PKNOX2: variants seen among roughly 807,000 people sequenced by gnomAD.
PKNOX2 encodes the protein PBX/knotted 1 homeobox 2, also known as homeobox protein PKNOX2.
In PKNOX2, 14 loss-of-function variants were observed where a neutral mutation model predicts 53.1. The ratio of observed to expected loss-of-function variants is 0.26; its 90% confidence interval spans 0.17 to 0.41. The LOEUF (loss-of-function observed/expected upper bound fraction) is 0.41, where lower values mean the gene tolerates loss of function less well. PKNOX2 is among the 10% of genes least tolerant of loss of function. The probability of loss-of-function intolerance (pLI) is 1.00; values close to 1 mark genes in which losing one functional copy is unlikely to be tolerated. For missense variants in PKNOX2, 496 were observed against 602.8 expected, an observed-to-expected ratio of 0.82 and a Z score of 1.85; for synonymous variants, 257 against 242.8, an observed-to-expected ratio of 1.06 and a Z score of -0.54.
Position 125,379,527 on chromosome 11 carries a change from T to C in PKNOX2, c.228-6024T>C, listed in dbSNP as rs1375115007. ...TAGGGCAATCTGTCAGCCCGATTTA[T>C]GTTAAGAATATCTGTCTTGAGGTGG... On this transcript the variant is annotated intron_variant, in intron 5 of 12. Transcript: ENST00000298282. Among the ~76,000 whole-genome samples, 8 of 152,178 alleles carry C rather than the reference T, an allele frequency of 5.3e-5. No homozygotes were observed. The East Asian group carries it at 1.5e-3, about 29-fold the overall frequency.
At chr11:125,405,117 G>A (rs377305974) in intron 7 of PKNOX2, among the ~76,000 whole-genome samples, 2 of 151,912 alleles carry the variant, frequency 1.3e-5, no homozygotes, top group East Asian at 1.9e-4. Context: ...TCCGGCCACC[G>A]ACTCACCGTC....
At chr11:125,322,318 A>G (rs1949560971) in intron 2 of PKNOX2, among the ~76,000 whole-genome samples, 1 of 152,218 alleles carries the variant, frequency 6.6e-6, no homozygotes, top group Non-Finnish European at 1.5e-5. Flanking sequence ...ACAGCAGTGC[A>G]GAGAAAGACC....
chr11:125,407,045 C>T (rs1344212376), intron 7 of PKNOX2, among the ~76,000 whole-genome samples: 1 of 151,166 alleles, frequency 6.6e-6, no homozygotes, highest in Non-Finnish European at 1.5e-5. Flanking sequence ...TTTGCTTCCT[C>T]TTCCCTGCCC....
In PKNOX2 at chr11:125,370,657, G is replaced by T. The variant is rs532457366; in HGVS notation, c.227+2672G>T. Among the ~76,000 whole-genome samples the T allele has an allele frequency of 4.6e-5, 7 of 152,202 alleles. No homozygotes were observed. The highest frequency in any genetic ancestry group is 1.0e-4 in the Non-Finnish European group (7 of 68,018). Reference sequence around the variant, plus strand: ...TAGTCCTGCTGCTGCCTCCTGGCCCGGCAGCCCCAGGGTTGTCTCCTACAA... The same window carrying T: ...TAGTCCTGCTGCTGCCTCCTGGCCCTGCAGCCCCAGGGTTGTCTCCTACAA... On this transcript the variant is annotated intron_variant, in intron 5 of 12. Transcript: ENST00000298282. This position sits in a 1 kb window ranked among gnomAD's most constrained non-coding sequence, Gnocchi z 4.1.
chr11:125,178,592 AGG>A, intron 1 of PKNOX2, among the ~76,000 whole-genome samples: 2 of 44,088 alleles, frequency 4.5e-5, no homozygotes, highest in African/African-American at 1.5e-4. Flanking sequence ...GAAGGAAGGA[AGG>A]AAGGAAGGAA....
intron 1 of PKNOX2, among the ~76,000 whole-genome samples, chr11:125,222,787 A>ATGTGTGTG (rs760294528): frequency 2.2e-5 from 3 of 134,584 alleles, no homozygotes; most frequent in Non-Finnish European, 4.9e-5. Context: ...GTATGTGTGT[A>ATGTGTGTG]TGTGTGTGTG....
At chr11:125,310,049 G>T (rs1196241091) in intron 2 of PKNOX2, among the ~76,000 whole-genome samples, 1 of 152,112 alleles carries the variant, frequency 6.6e-6, no homozygotes, top group Non-Finnish European at 1.5e-5. Flanking sequence ...TTGTCATACT[G>T]CTTACTGAAA....
chr11:125,387,030 C>T (rs1040211193), intron 6 of PKNOX2, among the ~76,000 whole-genome samples: 7 of 152,176 alleles, frequency 4.6e-5, no homozygotes, highest in African/African-American at 1.4e-4. Flanking sequence ...CTGGGGCATC[C>T]GTTTCCCTGG....
At chr11:125,296,932 C>A (rs115269248) in intron 2 of PKNOX2, among the ~76,000 whole-genome samples, 3 of 152,290 alleles carry the variant, frequency 2.0e-5, no homozygotes, top group East Asian at 3.9e-4. Context: ...TGGCGCTCAG[C>A]GGTTTATTAT....
chr11:125,304,850 C>A (rs1470574278), intron 2 of PKNOX2, among the ~76,000 whole-genome samples: 5 of 152,278 alleles, frequency 3.3e-5, no homozygotes, highest in Non-Finnish European at 7.4e-5. Flanking sequence ...GTGAAGAAAA[C>A]AAACCAAGAT....
intron 1 of PKNOX2, among the ~76,000 whole-genome samples, chr11:125,230,633 C>T (rs577173193): frequency 3.3e-5 from 5 of 152,202 alleles, no homozygotes; most frequent in Non-Finnish European, 5.9e-5. Context: ...CAATTTGGTC[C>T]TCATCCCCAA....
intron 10 of PKNOX2, among the ~76,000 whole-genome samples, chr11:125,412,774 C>G (rs1169636467): frequency 6.6e-6 from 1 of 152,176 alleles, no homozygotes; most frequent in East Asian, 1.9e-4. Flanking sequence ...ACTGAGGATC[C>G]ATTGGCTGGA....
At chr11:125,410,094 A>G in intron 7 of PKNOX2, 102 bp from the exon 8 acceptor site, 1 of 1,464,686 alleles carries the variant, frequency 6.8e-7, no homozygotes, top group South Asian at 1.4e-5. Context: ...AGAAGGAGGG[A>G]GGGGGGCAGG....
At chr11:125,223,056 C>G (rs1446152132) in intron 1 of PKNOX2, among the ~76,000 whole-genome samples, 1 of 151,990 alleles carries the variant, frequency 6.6e-6, no homozygotes, top group East Asian at 1.9e-4. Flanking sequence ...CTTCAAGTAC[C>G]CTGAGGATGT....
At chr11:125,315,328 A>AAAAAC (rs1201379428) in intron 2 of PKNOX2, among the ~76,000 whole-genome samples, 22 of 144,842 alleles carry the variant, frequency 1.5e-4, no homozygotes, top group African/African-American at 6.0e-4. Context: ...AAAAAAAAAA[A>AAAAAC]CACCTCTCTC....
intron 10 of PKNOX2, among the ~76,000 whole-genome samples, chr11:125,423,972 A>G (rs1956289439): frequency 6.6e-6 from 1 of 152,218 alleles, no homozygotes. Flanking sequence ...CAGAGCCAGC[A>G]TGGATGAATG....
intron 2 of PKNOX2, among the ~76,000 whole-genome samples, chr11:125,262,856 C>G (rs1008191990): frequency 6.6e-6 from 1 of 152,170 alleles, no homozygotes; most frequent in East Asian, 1.9e-4. Flanking sequence ...CCTCTACTCA[C>G]GTACCCTCCT....
rs767982770 is a variant in PKNOX2, at chr11:125,422,698, C to G, written c.937-6314C>G. On this transcript the variant is annotated intron_variant, in intron 10 of 12. Coordinates refer to ENST00000298282, the MANE Select transcript of PKNOX2 (RefSeq NM_001382323.2). The surrounding 1 kb of genome is among the most constrained non-coding windows in gnomAD (Gnocchi z 4.1). ...AGCCCCAGGACACCCCAGAGGGCTG[C>G]AGCTCTAAGAAAGTCCACCTGAAAA... is the stretch of plus-strand genomic sequence containing the variant. Among the ~76,000 whole-genome samples, 24 of 152,150 alleles carry G rather than the reference C, an allele frequency of 1.6e-4. No homozygotes were observed. Among genetic ancestry groups the G allele is most frequent in the Non-Finnish European group, 3.2e-4 (22 of 68,034 alleles).
At chr11:125,171,928 G>A (rs1471666308) in intron 1 of PKNOX2, among the ~76,000 whole-genome samples, 1 of 152,216 alleles carries the variant, frequency 6.6e-6, no homozygotes, top group Non-Finnish European at 1.5e-5. Context: ...GAGAGGTGAC[G>A]TGGAAAAAGC....
Sources: allele counts gnomAD v4.1 joint callset (sites outside exome capture counted in the v4.1 genomes callset), GRCh38; gene constraint gnomAD v4.1.1; non-coding constraint Gnocchi (gnomAD v3.1); transcripts MANE v1.5; gene names NCBI Gene and HGNC (gene_info 2026-07-23, HGNC 2026-07-21).